Variants in PDE4D observed in about 807,000 individuals in gnomAD.
PDE4D encodes 3',5'-cyclic-AMP phosphodiesterase 4D.
In PDE4D, 24 loss-of-function variants were observed where a neutral mutation model predicts 87.4. The ratio of observed to expected loss-of-function variants is 0.27; its 90% CI spans 0.20 to 0.39. PDE4D has a LOEUF of 0.39. Ranked by LOEUF, PDE4D falls within the 10% of genes least tolerant of loss-of-function variation. The probability of loss-of-function intolerance (pLI) is 1.00; values close to 1 mark genes in which losing one functional copy is unlikely to be tolerated. For synonymous variants in PDE4D, 384 were observed against 383.2 expected, an observed-to-expected ratio of 1.00 and a Z score of -0.02; for missense variants, 714 against 1,041.0, an observed-to-expected ratio of 0.69 and a Z score of 4.32.
intron 1 of PDE4D, among the ~76,000 whole-genome samples, chr5:59,479,648 T>C (rs564826712): frequency 6.6e-6 from 1 of 152,084 alleles, no homozygotes; most frequent in Non-Finnish European, 1.5e-5. Context: ...TCATCACATG[T>C]AGTAAGAGTA....
chr5:59,217,208 G>A, intron 1 of PDE4D: 1 of 455,930 alleles, frequency 2.2e-6, no homozygotes, highest in Non-Finnish European at 4.4e-6. Context: ...TCTTAGGAGA[G>A]GAGGGTGATA....
intron 1 of PDE4D, among the ~76,000 whole-genome samples, chr5:59,757,836 T>G (rs547453111): frequency 6.6e-6 from 1 of 152,292 alleles, no homozygotes; most frequent in South Asian, 2.1e-4. Context: ...GAATCAAATG[T>G]TCTCCATTGA....
rs370919036 is a variant in PDE4D, at chr5:59,880,156, C to T, written c.455+13012G>A. ...TCACTCTTTTGCCCAGGCTGGATTG[C>T]GCAGCACAGCAGGAGCATAGCTCAC... On this transcript the variant is annotated intron_variant, in intron 1 of 14. Coordinates refer to ENST00000340635, the MANE Select transcript of PDE4D (RefSeq NM_001104631.2). Among the ~76,000 whole-genome samples, 17 of 152,088 alleles carry T rather than the reference C, an allele frequency of 1.1e-4. 1 individual carries two copies. Among genetic ancestry groups the T allele is most frequent in the South Asian group, 1.0e-3 (5 of 4,826 alleles).
At chr5:60,144,199 C>T (rs1780802492) in intron 2 of PDE4D, among the ~76,000 whole-genome samples, 1 of 152,210 alleles carries the variant, frequency 6.6e-6, no homozygotes, top group African/African-American at 2.4e-5. Context: ...GAGGGGAGAG[C>T]TAGCTGTCTG....
intron 5 of PDE4D, among the ~76,000 whole-genome samples, chr5:59,053,658 G>GTTTTT (rs1420455755): frequency 1.2e-4 from 10 of 81,056 alleles, no homozygotes; most frequent in East Asian, 5.5e-4. Flanking sequence ...TTTTTTTGTT[G>GTTTTT]TTGTTTTTTT....
intron 2 of PDE4D, among the ~76,000 whole-genome samples, chr5:60,152,879 G>A (rs4699952): frequency 0.5 from 76,356 of 151,968 alleles, 19,562 homozygotes; most frequent in Admixed American, 0.55. Flanking sequence ...AGTCCCTTAT[G>A]ATCCATTTGA....
At chr5:60,385,398 T>C (rs1762132424) in intron 1 of PDE4D, among the ~76,000 whole-genome samples, 1 of 152,258 alleles carries the variant, frequency 6.6e-6, no homozygotes. Flanking sequence ...CATGCATCAT[T>C]GTCTGAGCGA....
At chr5:59,200,833 A>C (rs956686476) in intron 2 of PDE4D, among the ~76,000 whole-genome samples, 3 of 151,782 alleles carry the variant, frequency 2.0e-5, no homozygotes, top group Non-Finnish European at 2.9e-5. Flanking sequence ...TATTGATAAC[A>C]TTTTCCCACT....
In PDE4D at chr5:59,617,502, T is replaced by A. The variant is rs1277884424; in HGVS notation, c.455+275666A>T. Among the ~76,000 whole-genome samples, 4 of 152,194 alleles carry A rather than the reference T, an allele frequency of 2.6e-5. 1 individual carries two copies. ...GTGACCTTACTGGAAATAGGATTGTTGCAGGTATGATTCATTAAGTGAAGA... is the reference window on the plus strand; with the variant it reads ...GTGACCTTACTGGAAATAGGATTGTAGCAGGTATGATTCATTAAGTGAAGA... On this transcript the variant is annotated intron_variant, in intron 1 of 14. Coordinates refer to ENST00000340635, the MANE Select transcript of PDE4D (RefSeq NM_001104631.2).
chr5:59,272,285 A>T (rs17444108), intron 1 of PDE4D, among the ~76,000 whole-genome samples: 3,251 of 152,204 alleles, frequency 0.021, 52 homozygotes, highest in Non-Finnish European at 0.03. Context: ...CTTAAACTAA[A>T]TCACAAGTCT....
chr5:60,229,331 C>T (rs562265849), intron 1 of PDE4D, among the ~76,000 whole-genome samples: 11 of 152,040 alleles, frequency 7.2e-5, no homozygotes, highest in Non-Finnish European at 1.5e-4. Flanking sequence ...AAACGACAAC[C>T]ACAAGATCAA....
intron 1 of PDE4D, among the ~76,000 whole-genome samples, chr5:59,507,726 G>A (rs964911605): frequency 3.6e-4 from 54 of 150,340 alleles, no homozygotes; most frequent in African/African-American, 1.1e-3. Context: ...CAAATACAGT[G>A]TTGAGGAAAA....
In PDE4D at chr5:59,215,926, C is replaced by A. The variant is rs1168647282; in HGVS notation, c.498G>T (p.Leu166Phe). 3 of 1,613,198 alleles carry A rather than the reference C, an allele frequency of 1.9e-6. No homozygotes were observed. The East Asian group carries it at 6.7e-5, about 36-fold the overall frequency. The change falls in exon 2 of 15, where the codon TTG (leucine) becomes TTT (phenylalanine). Residue 166 changes from leucine (L) to phenylalanine (F), a missense_variant. By Grantham distance (22) the Leu-to-Phe change is conservative. Coordinates refer to ENST00000340635, the MANE Select transcript of PDE4D (RefSeq NM_001104631.2). ...CGGATCCTGGGCTGGTCATGGGATCCAAGGGACTCCGTCCCGCAGATGTGC... is the reference window on the plus strand; with the variant it reads ...CGGATCCTGGGCTGGTCATGGGATCAAAGGGACTCCGTCCCGCAGATGTGC... ...DNGTSAGRSP[L>F]DPMTSPGSGL...
chr5:59,607,812 A>G (rs989847755), intron 1 of PDE4D, among the ~76,000 whole-genome samples: 1 of 152,130 alleles, frequency 6.6e-6, no homozygotes, highest in Admixed American at 6.6e-5. Context: ...ATGCGCTTCT[A>G]ACATACTGTC....
chr5:58,989,869 T>C lies in PDE4D; in HGVS notation c.1338A>G (p.Thr446=), dbSNP rs764004684. The change falls in exon 10 of 15, where the codon ACA becomes ACG. Residue 446 remains threonine (T), a synonymous_variant. Transcript: ENST00000340635. ...AATGGTCTTCGAGAGTCATAAGATA[T>C]GTAATTAAAGTATCTACTGGAATTT... is the stretch of plus-strand genomic sequence containing the variant. The part of the protein sequence containing the change: ...TFKIPVDTLI[T]YLMTLEDHYH... 5.8e-6 allele frequency: 9 copies of C among 1,560,038 alleles called. No individual in the cohort carries two copies. The highest frequency in any genetic ancestry group is 1.7e-5 in the Admixed American group (1 of 59,398).
chr5:59,607,670 G>C (rs1391700752), intron 1 of PDE4D, among the ~76,000 whole-genome samples: 2 of 152,026 alleles, frequency 1.3e-5, no homozygotes, highest in Non-Finnish European at 2.9e-5. Context: ...GGGTAGGTGG[G>C]AGGAGAAACC....
chr5:59,548,442 C>A (rs1279767519), intron 1 of PDE4D, among the ~76,000 whole-genome samples: 1 of 152,104 alleles, frequency 6.6e-6, no homozygotes, highest in East Asian at 1.9e-4. Flanking sequence ...ATTTCACACC[C>A]ATTAGGTACC....
chr5:59,734,241 G>C (rs1291152965), intron 1 of PDE4D, among the ~76,000 whole-genome samples: 2 of 151,820 alleles, frequency 1.3e-5, no homozygotes, highest in Non-Finnish European at 2.9e-5. Context: ...ATGGTTGACA[G>C]TTTAAGAAAA....
chr5:59,849,956 T>C (rs1440755345), intron 1 of PDE4D, among the ~76,000 whole-genome samples: 3 of 151,994 alleles, frequency 2.0e-5, no homozygotes, highest in Admixed American at 6.6e-5. Context: ...TACTTGGTAA[T>C]ATGAAGCCAA....
Sources: gnomAD v4.1 joint callset for allele counts (sites outside exome capture counted in the v4.1 genomes callset) on GRCh38, gnomAD v4.1.1 for gene constraint, MANE v1.5 for transcripts, NCBI Gene and HGNC (gene_info 2026-07-23, HGNC 2026-07-21) for gene names.